The following ZNF622 variants were observed in gnomAD, a reference collection of about 807,000 sequenced individuals.
The protein encoded by ZNF622 is cytoplasmic 60S subunit biogenesis factor ZNF622.
ZNF622 carries 34 observed loss-of-function variants against 49.7 expected under a neutral mutation model. The ratio of observed to expected loss-of-function variants is 0.68; its 90% CI spans 0.52 to 0.91. The LOEUF is 0.91. ZNF622 is among the 40% of genes least tolerant of loss of function. The pLI, the probability that ZNF622 is intolerant of heterozygous loss-of-function variation, is 0.00. For synonymous variants in ZNF622, 209 were observed against 228.7 expected (o/e 0.91, Z 0.78); for missense variants, 569 against 616.4 (o/e 0.92, Z 0.81).
intron 5 of ZNF622, 49 bp downstream of exon 5, chr5:16,452,964 T>A: frequency 7.4e-7 from 1 of 1,358,122 alleles, no homozygotes; most frequent in Non-Finnish European, 9.6e-7. Context: ...AGACCCCTTC[T>A]AGAAATACAA....
At chr5:16,451,851 C>T in intron 5 of ZNF622, 67 bp from the exon 6 acceptor site, 1 of 1,556,342 alleles carries the variant, frequency 6.4e-7, no homozygotes, top group Non-Finnish European at 8.7e-7. Flanking sequence ...AAAATCCAAC[C>T]TTGGCAGAGA....
At chr5:16,457,433 G>C (rs552080495) in intron 4 of ZNF622, among the ~76,000 whole-genome samples, 2 of 152,266 alleles carry the variant, frequency 1.3e-5, no homozygotes, top group East Asian at 3.9e-4. Flanking sequence ...CTGGGATTTA[G>C]GTTTTACCAC....
chr5:16,462,065 C>T (rs966571684), intron 3 of ZNF622, among the ~76,000 whole-genome samples: 3 of 152,174 alleles, frequency 2.0e-5, no homozygotes, highest in Non-Finnish European at 4.4e-5. Context: ...TGCTTCCCAC[C>T]ACCAGCAGAC....
At chr5:16,455,321 A>C (rs543453917) in intron 4 of ZNF622, among the ~76,000 whole-genome samples, 38 of 152,350 alleles carry the variant, frequency 2.5e-4, no homozygotes, top group African/African-American at 9.1e-4. Flanking sequence ...AATTTGCATA[A>C]GAAAATTATT....
chr5:16,464,090 T>C (rs1168034529), intron 1 of ZNF622, among the ~76,000 whole-genome samples: 1 of 152,230 alleles, frequency 6.6e-6, no homozygotes, highest in East Asian at 1.9e-4. Flanking sequence ...TATCTACTAT[T>C]TCACAAAAGT....
chr5:16,457,473 T>C (rs1268305330), intron 4 of ZNF622, among the ~76,000 whole-genome samples: 1 of 152,242 alleles, frequency 6.6e-6, no homozygotes, highest in Non-Finnish European at 1.5e-5. Flanking sequence ...AATAATATAT[T>C]GCATTATAAC....
At chr5:16,455,866 G>A (rs1244683054) in intron 4 of ZNF622, among the ~76,000 whole-genome samples, 1 of 152,158 alleles carries the variant, frequency 6.6e-6, no homozygotes, top group Non-Finnish European at 1.5e-5. Flanking sequence ...AGCATTCAGA[G>A]CTCCCCCTAC....
At chr5:16,451,843 A>T in intron 5 of ZNF622, 59 bp from the exon 6 acceptor site, 3 of 1,569,776 alleles carry the variant, frequency 1.9e-6, no homozygotes, top group Admixed American at 3.8e-5. Context: ...GATCAGAGAA[A>T]ATCCAACCTT....
Position 16,451,677 on chromosome 5 carries a change from G to A in ZNF622, c.1414C>T (p.Arg472Trp), listed in dbSNP as rs371710930. 7 of 1,613,954 alleles carry A rather than the reference G, an allele frequency of 4.3e-6. No individual in the cohort carries two copies. The highest frequency in any genetic ancestry group is 5.9e-6 in the Non-Finnish European group (7 of 1,179,934). The change falls in exon 6 of 6, where the codon CGG becomes TGG. Residue 472 changes from arginine (R) to tryptophan (W), a missense_variant. Coordinates refer to ENST00000308683, the MANE Select transcript of ZNF622 (RefSeq NM_033414.3). Reference sequence around the variant, plus strand: ...GACTCTCAGAATCTCACTTGGACCCGAAAGTGCATCTGCTTGGTGGCATTG... The same window carrying A: ...GACTCTCAGAATCTCACTTGGACCCAAAAGTGCATCTGCTTGGTGGCATTG... ...KNNATKQMHF[R>W]VQVRF
Position 16,463,320 on chromosome 5 carries a change from GATTAA to G in ZNF622, c.887-55_887-51del, listed in dbSNP as rs1292283921. The G allele has an allele frequency of 3.2e-6, 5 of 1,557,158 alleles. No individual in the cohort carries two copies. In the African/African-American group the frequency reaches 4.1e-5, roughly 13 times the overall value. Reference sequence around the variant, plus strand: ...ATATGAAAAAAGCTTTTTGCAACCAGATTAAATCTCACTATTTGTCACCAAAACTC... The same window carrying G: ...ATATGAAAAAAGCTTTTTGCAACCAGATCTCACTATTTGTCACCAAAACTC... On this transcript the variant is annotated intron_variant, in intron 2 of 5. Coordinates refer to ENST00000308683, the MANE Select transcript of ZNF622 (RefSeq NM_033414.3). The surrounding 1 kb of genome is among the most constrained non-coding windows in gnomAD (Gnocchi z 4.2).
In ZNF622 at chr5:16,451,669, T is replaced by C. The variant is rs769871499; in HGVS notation, c.1422A>G (p.Gln474=). 3 of 1,613,704 alleles carry C rather than the reference T, an allele frequency of 1.9e-6. No homozygotes were observed. Among genetic ancestry groups the C allele is most frequent in the East Asian group, 4.5e-5 (2 of 44,860 alleles). The change falls in exon 6 of 6, where the codon CAA becomes CAG. Residue 474 remains glutamine (Q), a synonymous_variant. Transcript: ENST00000308683. ...NATKQMHFRV[Q]VRF Reference sequence around the variant, plus strand: ...TCCCAGCAGACTCTCAGAATCTCACTTGGACCCGAAAGTGCATCTGCTTGG... The same window carrying C: ...TCCCAGCAGACTCTCAGAATCTCACCTGGACCCGAAAGTGCATCTGCTTGG...
chr5:16,454,751 C>T (rs904017026), intron 4 of ZNF622, among the ~76,000 whole-genome samples: 3 of 152,140 alleles, frequency 2.0e-5, no homozygotes, highest in Non-Finnish European at 4.4e-5. Flanking sequence ...TATTATCTCT[C>T]GATGCTTTGG....
chr5:16,463,015 T>C lies in ZNF622; in HGVS notation c.1049+93A>G. The C allele has an allele frequency of 7.6e-7, 1 of 1,318,524 alleles. No homozygotes were observed. The highest frequency in any genetic ancestry group is 2.4e-4 in the Middle Eastern group (1 of 4,158). The allele number at this position is 1,318,524 out of a possible 1,614,324, so 81.7% of individuals were successfully genotyped here. A position where few individuals can be genotyped will look rare whatever the true frequency, so the allele number is the denominator to read the frequency against. On this transcript the variant is annotated intron_variant, in intron 3 of 5. Transcript: ENST00000308683. The surrounding 1 kb of genome is among the most constrained non-coding windows in gnomAD (Gnocchi z 4.2). Reference sequence around the variant, plus strand: ...TATAAGTGTTATTAAGGATATGTTGTACAGTGCCAAACATATCCAGCACTG... The same window carrying C: ...TATAAGTGTTATTAAGGATATGTTGCACAGTGCCAAACATATCCAGCACTG...
Position 16,463,493 on chromosome 5 carries a change from A to C in ZNF622, c.875T>G (p.Ile292Ser), listed in dbSNP as rs1204297746. ...ACTATTGTACTTACCCAAGTATTTA[A>C]TCAGTCCCTTAATATCTGAAAGATA... is the stretch of plus-strand genomic sequence containing the variant. Reference protein sequence around the residue: ...IEYLSDIKGLIKYLGEKVGVG... With the variant: ...IEYLSDIKGLSKYLGEKVGVG... The change falls in exon 2 of 6, where the codon ATT (isoleucine) becomes AGT (serine). Residue 292 changes from isoleucine to serine, a missense_variant. Ile to Ser is a moderately radical substitution (Grantham distance 142, BLOSUM62 -2). Coordinates refer to ENST00000308683, the MANE Select transcript of ZNF622 (RefSeq NM_033414.3). This position sits in a 1 kb window ranked among gnomAD's most constrained non-coding sequence, Gnocchi z 4.2. 6.2e-7 allele frequency: 1 copy of C among 1,612,774 alleles called. No homozygotes were observed. The highest frequency in any genetic ancestry group is 1.7e-5 in the Admixed American group (1 of 59,946).
At position 16,465,673 on chromosome 5, in the gene ZNF622, C is replaced by T; in HGVS notation, c.-8G>A. 6.4e-7 allele frequency: 1 copy of T among 1,556,324 alleles called. No homozygotes were observed. The highest frequency in any genetic ancestry group is 8.7e-7 in the Non-Finnish European group (1 of 1,152,478). On this transcript the variant is annotated 5_prime_UTR_variant, in exon 1 of 6. Coordinates refer to ENST00000308683, the MANE Select transcript of ZNF622 (RefSeq NM_033414.3). The surrounding 1 kb of genome is among the most constrained non-coding windows in gnomAD (Gnocchi z 6.2). ...GCAGGTGTACGTCGCCATTGCCAGG[C>T]GAGAAATAAGAACCGACCAAGCCAA...
chr5:16,458,478 A>G, intron 4 of ZNF622, 39 bp downstream of exon 4: 1 of 1,376,564 alleles, frequency 7.3e-7, no homozygotes, highest in Non-Finnish European at 1.0e-6. Flanking sequence ...CCTCAATCCC[A>G]CTGGCATTAA....
In ZNF622 at chr5:16,453,122, G is replaced by C; in HGVS notation, c.1197C>G (p.Tyr399Ter). The change falls in exon 5 of 6, where the codon TAC becomes TAG. Residue 399 changes from tyrosine to a stop codon, truncating the protein, a stop_gained. Transcript: ENST00000308683. LOFTEE classifies it high-confidence loss of function. ...ARVGHRSLMR[Y>*]YKQRFGLSRA... ...TTGACAAGCCAAATCGCTGTTTGTA[G>C]TATCTCATCAAGGAGCGATGACCCA... 4 of 1,569,664 alleles carry C rather than the reference G, an allele frequency of 2.5e-6. No homozygotes were observed. The highest frequency in any genetic ancestry group is 3.5e-6 in the Non-Finnish European group (4 of 1,153,730).
Position 16,463,385 on chromosome 5 carries a change from CAA to C in ZNF622, c.886+95_886+96del. 6.7e-7 allele frequency: 1 copy of C among 1,502,456 alleles called. No individual in the cohort carries two copies. Among genetic ancestry groups the C allele is most frequent in the Non-Finnish European group, 9.0e-7 (1 of 1,113,886 alleles). 93.1% of individuals were successfully genotyped at this position (1,502,456 alleles called of 1,614,324 possible). A position where few individuals can be genotyped will look rare whatever the true frequency, so the allele number is the denominator to read the frequency against. On this transcript the variant is annotated intron_variant, in intron 2 of 5. Coordinates refer to ENST00000308683, the MANE Select transcript of ZNF622 (RefSeq NM_033414.3). This position sits in a 1 kb window ranked among gnomAD's most constrained non-coding sequence, Gnocchi z 4.2. ...TCACAAAATAACCAAGCAATTATAT[CAA>C]AGATTGATGAAAAATGCAAAACTAA... is the stretch of plus-strand genomic sequence containing the variant.
intron 4 of ZNF622, among the ~76,000 whole-genome samples, chr5:16,454,074 A>G (rs1171570193): frequency 6.6e-6 from 1 of 152,108 alleles, no homozygotes; most frequent in Non-Finnish European, 1.5e-5. Context: ...TCTAAATTTA[A>G]TTTTCAAAGT....
Sources: gnomAD v4.1 joint callset for allele counts (sites outside exome capture counted in the v4.1 genomes callset) on GRCh38, gnomAD v4.1.1 for gene constraint, Gnocchi (gnomAD v3.1) non-coding constraint, MANE v1.5 for transcripts, NCBI Gene and HGNC (gene_info 2026-07-23, HGNC 2026-07-21) for gene names.